FRMD4A: variants seen among roughly 807,000 people sequenced by gnomAD.
FRMD4A encodes FERM domain containing 4A.
Under a neutral mutation model 129.1 loss-of-function variants are expected in FRMD4A, and 29 were observed. The ratio of observed to expected loss-of-function variants is 0.22; its 90% CI spans 0.17 to 0.31. The LOEUF is 0.31. Among genes scored for constraint, FRMD4A ranks in the 10% least tolerant of loss-of-function variants. FRMD4A has a pLI of 1.00. For synonymous variants in FRMD4A, 634 were observed against 571.6 expected, an observed-to-expected ratio of 1.11 and a Z score of -1.56; for missense variants, 1,272 against 1,375.8, an observed-to-expected ratio of 0.92 and a Z score of 1.19.
chr10:14,219,602 G>A (rs1025515972), intron 2 of FRMD4A, among the ~76,000 whole-genome samples: 2 of 152,180 alleles, frequency 1.3e-5, no homozygotes, highest in African/African-American at 4.8e-5. Context: ...TTTCTACTGA[G>A]TCACAGTGCT....
intron 2 of FRMD4A, among the ~76,000 whole-genome samples, chr10:14,001,543 A>C (rs1343619004): frequency 6.6e-6 from 1 of 152,244 alleles, no homozygotes; most frequent in East Asian, 1.9e-4. Flanking sequence ...ACACTGAGCC[A>C]ATAAGCAATG....
intron 2 of FRMD4A, among the ~76,000 whole-genome samples, chr10:14,310,736 G>C (rs1322427390): frequency 6.6e-6 from 1 of 152,096 alleles, no homozygotes; most frequent in Non-Finnish European, 1.5e-5. Flanking sequence ...CTATGCAAAT[G>C]GCACACCTTG....
intron 3 of FRMD4A, among the ~76,000 whole-genome samples, chr10:13,842,720 A>T (rs1197668197): frequency 4.6e-5 from 7 of 152,208 alleles, no homozygotes; most frequent in Non-Finnish European, 1.0e-4. Context: ...GTAAACTTTC[A>T]ATAAAGCTAA....
At chr10:14,198,365 T>A (rs867845908) in intron 2 of FRMD4A, among the ~76,000 whole-genome samples, 1 of 152,180 alleles carries the variant, frequency 6.6e-6, no homozygotes, top group African/African-American at 2.4e-5. Context: ...CAATTGCTAC[T>A]AGGCAGCGGC....
chr10:13,714,027 C>CATATATATAAAATATATAAT lies in FRMD4A; in HGVS notation c.760-6915_760-6914insATTATATATTTTATATATAT, dbSNP rs1554858885. ...ATATAATATACATATATAAAATATA[C>CATATATATAAAATATATAAT]ATATATATATATATATATATATATA... On this transcript the variant is annotated intron_variant, in intron 12 of 24. Coordinates refer to ENST00000357447, the MANE Select transcript of FRMD4A (RefSeq NM_018027.5). Among the ~76,000 whole-genome samples the CATATATATAAAATATATAAT allele has an allele frequency of 5.5e-4, 17 of 31,168 alleles. 2 individuals carry two copies. The East Asian group carries it at 0.017, about 32-fold the overall frequency. The allele number at this position is 31,168 out of a possible 152,430, so 20.4% of individuals were successfully genotyped here. A position where few individuals can be genotyped will look rare whatever the true frequency, so the allele number is the denominator to read the frequency against.
intron 2 of FRMD4A, among the ~76,000 whole-genome samples, chr10:14,303,573 G>A (rs979275318): frequency 4.6e-5 from 7 of 152,200 alleles, no homozygotes; most frequent in Non-Finnish European, 7.3e-5. Context: ...CCCTGGGGTA[G>A]GCAGAAGATT....
intron 3 of FRMD4A, among the ~76,000 whole-genome samples, chr10:13,843,409 G>C (rs1035409019): frequency 7.2e-5 from 11 of 152,290 alleles, no homozygotes; most frequent in East Asian, 1.9e-4. Flanking sequence ...CTGTGGTCTG[G>C]GGTGGAGTCC....
At chr10:13,841,443 T>C (rs2093964074) in intron 3 of FRMD4A, among the ~76,000 whole-genome samples, 1 of 152,190 alleles carries the variant, frequency 6.6e-6, no homozygotes, top group Admixed American at 6.5e-5. Flanking sequence ...ACATGTGATT[T>C]GAGCCATGTG....
intron 2 of FRMD4A, among the ~76,000 whole-genome samples, chr10:14,055,024 C>T (rs559623889): frequency 4.7e-4 from 72 of 152,160 alleles, no homozygotes; most frequent in African/African-American, 1.3e-3. Context: ...TGAGAATGGA[C>T]GCAAGAGAAG....
intron 2 of FRMD4A, among the ~76,000 whole-genome samples, chr10:14,063,753 A>G (rs1347030123): frequency 1.3e-5 from 2 of 152,142 alleles, no homozygotes; most frequent in Admixed American, 6.6e-5. Flanking sequence ...ACGTGGATTT[A>G]GCTAACTCCC....
intron 2 of FRMD4A, among the ~76,000 whole-genome samples, chr10:14,195,472 G>A (rs1842446370): frequency 6.6e-6 from 1 of 151,392 alleles, no homozygotes; most frequent in Non-Finnish European, 1.5e-5. Flanking sequence ...ATAGCAGAGG[G>A]AACTCGGGCT....
intron 2 of FRMD4A, among the ~76,000 whole-genome samples, chr10:14,106,137 C>T (rs1310664611): frequency 6.6e-6 from 1 of 152,176 alleles, no homozygotes. Flanking sequence ...TTTTACCATG[C>T]CTAGCATCAT....
At chr10:14,063,287 T>G (rs1211911295) in intron 2 of FRMD4A, among the ~76,000 whole-genome samples, 2 of 152,152 alleles carry the variant, frequency 1.3e-5, no homozygotes, top group African/African-American at 2.4e-5. Flanking sequence ...CAGATGTTGA[T>G]GAGAGTCAGT....
At chr10:14,059,542 A>G (rs1834706501) in intron 2 of FRMD4A, among the ~76,000 whole-genome samples, 1 of 152,246 alleles carries the variant, frequency 6.6e-6, no homozygotes, top group African/African-American at 2.4e-5. Context: ...GGCCACCTTA[A>G]GCAAGGAAGA....
At chr10:14,099,437 T>C (rs1182915119) in intron 2 of FRMD4A, among the ~76,000 whole-genome samples, 1 of 152,228 alleles carries the variant, frequency 6.6e-6, no homozygotes, top group African/African-American at 2.4e-5. Flanking sequence ...AGTGTGTACG[T>C]GCATAGCCAT....
chr10:13,700,278 C>CCG (rs112741640), intron 14 of FRMD4A, among the ~76,000 whole-genome samples: 3,189 of 151,564 alleles, frequency 0.021, 105 homozygotes, highest in African/African-American at 0.074. Context: ...TATCACCTCC[C>CCG]CCTTGACCCC....
At chr10:13,750,870 A>G (rs1174243908) in intron 8 of FRMD4A, among the ~76,000 whole-genome samples, 2 of 152,216 alleles carry the variant, frequency 1.3e-5, no homozygotes, top group African/African-American at 4.8e-5. Context: ...TTTTAAGCAC[A>G]TGCTATAAAG....
At chr10:13,810,986 T>TTGGGCTGCAAGAAGAATAC in intron 3 of FRMD4A, 78 bp from the exon 4 acceptor site, 1 of 715,678 alleles carries the variant, frequency 1.4e-6, no homozygotes. Flanking sequence ...CAGGTTTCCA[T>TTGGGCTGCAAGAAGAATAC]AATTTTTTCA....
chr10:13,657,135 G>T lies in FRMD4A; in HGVS notation c.2454C>A (p.Gly818=). The T allele has an allele frequency of 7.2e-7, 1 of 1,393,908 alleles. No homozygotes were observed. The allele number at this position is 1,393,908 out of a possible 1,614,324, so 86.3% of individuals were successfully genotyped here. The change falls in exon 22 of 25, where the codon GGC becomes GGA. Residue 818 remains glycine, a synonymous_variant. Coordinates refer to ENST00000357447, the MANE Select transcript of FRMD4A (RefSeq NM_018027.5). ...GGCTCTGGCTGTGCAGGTACACACCGCCCCCCGCGCCCCCCGCGCCCCCCG... is the reference window on the plus strand; with the variant it reads ...GGCTCTGGCTGTGCAGGTACACACCTCCCCCCGCGCCCCCCGCGCCCCCCG... ...GGAGGAGGAG[G]GVYLHSQSQP... is the part of the protein sequence containing the mutation.
Sources: gnomAD v4.1 joint callset for allele counts (sites outside exome capture counted in the v4.1 genomes callset) on GRCh38, gnomAD v4.1.1 for gene constraint, MANE v1.5 for transcripts, NCBI Gene and HGNC (gene_info 2026-07-23, HGNC 2026-07-21) for gene names.